The following TNS1 variants were observed in gnomAD, a reference collection of about 807,000 sequenced individuals.
The protein encoded by TNS1 is tensin 1.
TNS1 carries 62 observed loss-of-function variants against 168.6 expected under a neutral mutation model. The observed-to-expected ratio is 0.37, with a 90% CI of 0.30 to 0.45. The LOEUF (loss-of-function observed/expected upper bound fraction) is 0.45. Ranked by LOEUF, TNS1 falls within the 20% of genes least tolerant of loss-of-function variation. TNS1 has a pLI of 1.00. For missense variants in TNS1, 2,240 were observed against 2,339.4 expected (o/e 0.96, Z 0.88); for synonymous variants, 934 against 933.2 (o/e 1.00, Z -0.02).
At chr2:218,011,344 CAG>C (rs1162377354), upstream of TNS1, among the ~76,000 whole-genome samples, 1 of 152,064 alleles carries the variant, frequency 6.6e-6, no homozygotes, top group African/African-American at 2.4e-5. Context: ...GAGAGGCAGG[CAG>C]AGAGTGCGGA....
At chr2:217,883,905 T>C (rs1270385729) in intron 16 of TNS1, among the ~76,000 whole-genome samples, 1 of 152,140 alleles carries the variant, frequency 6.6e-6, no homozygotes, top group Non-Finnish European at 1.5e-5. Flanking sequence ...GCCCACTGCA[T>C]GTAGGAAAAG....
rs759042034 is a variant in TNS1 at position 217,848,442 on chromosome 2, G to A, written c.2075C>T (p.Ala692Val). The change falls in exon 19 of 33, where the codon GCG becomes GTG. Residue 692 changes from alanine to valine, a missense_variant. By Grantham distance (64) the Ala-to-Val change is moderately conservative (BLOSUM62 0). Around this residue, in one of 2 missense-constraint regions of TNS1, gnomAD observed 2,131 missense variants for 2,171.2 expected, o/e 0.98. Transcript: ENST00000682258. ...CGTGTGGCCAGCATGGGCAGGCCCC[G>A]CCCGGCTGGCAGACTCGTAGGGGTA... Reference protein sequence around the residue: ...GGYPYESASRAGPAHAGHTAP... With the variant: ...GGYPYESASRVGPAHAGHTAP... 74 of 1,611,464 alleles carry A rather than the reference G, an allele frequency of 4.6e-5. No individual in the cohort carries two copies. The highest frequency in any genetic ancestry group is 1.7e-4 in the Middle Eastern group (1 of 6,060).
chr2:217,903,712 TC>T, intron 6 of TNS1: 1 of 1,007,630 alleles, frequency 9.9e-7, no homozygotes, highest in Admixed American at 2.1e-5. Flanking sequence ...CCTCCTGGTA[TC>T]TAACCCTCAT....
At position 217,849,050 on chromosome 2, in the gene TNS1, G is replaced by A. The variant is rs926222609; in HGVS notation, c.1467C>T (p.Ser489=). Residue 489 remains serine, a synonymous_variant, in exon 19 of 33, where the codon AGC becomes AGT. Transcript: ENST00000682258. ...CTTTCTTCTTCACCTTAGCATACAG[G>A]CTCCCATCTAGTGGCCCCTGCGTGT... ...VGHTQGPLDG[S]LYAKVKKKDS... is the part of the protein sequence containing the mutation. The A allele has an allele frequency of 1.2e-6, 2 of 1,613,282 alleles. No individual in the cohort carries two copies. The highest frequency in any genetic ancestry group is 1.3e-5 in the African/African-American group (1 of 74,850).
chr2:217,914,007 T>C (rs547586858), intron 4 of TNS1, among the ~76,000 whole-genome samples: 11 of 152,196 alleles, frequency 7.2e-5, no homozygotes, highest in African/African-American at 2.2e-4. Context: ...TCTTTCAGAC[T>C]CAGCAATTGG....
chr2:217,931,142 G>A (rs370120988), intron 3 of TNS1, among the ~76,000 whole-genome samples: 6 of 152,290 alleles, frequency 3.9e-5, no homozygotes, highest in South Asian at 4.2e-4. Context: ...GGGGGAGACA[G>A]GCATGTAAAC....
At chr2:217,914,999 G>T (rs1175788748) in intron 4 of TNS1, among the ~76,000 whole-genome samples, 1 of 152,126 alleles carries the variant, frequency 6.6e-6, no homozygotes, top group East Asian at 1.9e-4. Flanking sequence ...CACAAGTTGG[G>T]GTTTTCAACC....
At chr2:217,826,732 G>C (rs141993615) in intron 22 of TNS1, among the ~76,000 whole-genome samples, 1 of 152,200 alleles carries the variant, frequency 6.6e-6, no homozygotes, top group Non-Finnish European at 1.5e-5. Context: ...TGGGCAGGGC[G>C]GGAGAGGTGG....
At position 217,967,430 on chromosome 2, in the gene TNS1, C is replaced by T. The variant is rs561616744; in HGVS notation, c.186+11335G>A. ...ATCAACAAAATTGGCAAAACTTCAG[C>T]TAGATTGATTAAGATTCAAAGAAAG... On this transcript the variant is annotated intron_variant, in intron 3 of 32. Coordinates refer to ENST00000682258, the MANE Select transcript of TNS1 (RefSeq NM_001387777.1). 1.2e-4 allele frequency among the ~76,000 whole-genome samples: 19 copies of T among 152,172 alleles called. No individual in the cohort carries two copies. In the South Asian group the frequency reaches 3.1e-3, roughly 25 times the overall value.
intron 2 of TNS1, among the ~76,000 whole-genome samples, chr2:217,990,478 C>T (rs146537526): frequency 0.016 from 2,445 of 151,324 alleles, 54 homozygotes; most frequent in African/African-American, 0.055. Context: ...ATCATCCACA[C>T]GCCATCCACA....
chr2:217,885,416 G>A (rs1402232662), intron 15 of TNS1, among the ~76,000 whole-genome samples: 1 of 152,232 alleles, frequency 6.6e-6, no homozygotes, highest in African/African-American at 2.4e-5. Flanking sequence ...ACAAGTCAGA[G>A]TGCAAAAAGT....
rs58688185 is a variant in TNS1 at position 218,031,140 on chromosome 2, GTA to G, written c.156+2678_156+2679del. Among the ~76,000 whole-genome samples the G allele has an allele frequency of 1.4e-4, 20 of 140,956 alleles. 1 individual carries two copies. The East Asian group carries it at 2.7e-3, about 19-fold the overall frequency. The allele number at this position is 140,956 out of a possible 152,430, so 92.5% of individuals were successfully genotyped here. A position where few individuals can be genotyped will look rare whatever the true frequency, so the allele number is the denominator to read the frequency against. ...TGTGAGCATGTCTGTGTGTGTGTGTGTATGTGTTGTGTGAGCATGTCTATGAG... is the reference window on the plus strand; with the variant it reads ...TGTGAGCATGTCTGTGTGTGTGTGTGTGTGTTGTGTGAGCATGTCTATGAG... On this transcript the variant is annotated intron_variant, in intron 1 of 1. Transcript: ENST00000649572.
At chr2:217,863,440 C>A (rs541949981) in intron 18 of TNS1, among the ~76,000 whole-genome samples, 1 of 152,132 alleles carries the variant, frequency 6.6e-6, no homozygotes, top group African/African-American at 2.4e-5. Flanking sequence ...ACAGGACAGA[C>A]CCCCACAACA....
chr2:217,861,986 A>G (rs1457114895), intron 18 of TNS1, among the ~76,000 whole-genome samples: 1 of 152,222 alleles, frequency 6.6e-6, no homozygotes, highest in Non-Finnish European at 1.5e-5. Flanking sequence ...AGCATAGAGA[A>G]GAGGCTTCCA....
intron 13 of TNS1, 58 bp downstream of exon 13, chr2:217,886,476 T>C: frequency 2.2e-6 from 3 of 1,371,254 alleles, no homozygotes; most frequent in Non-Finnish European, 3.1e-6. Flanking sequence ...TTAGAGAAGA[T>C]GGAAGATGAA....
intron 3 of TNS1, among the ~76,000 whole-genome samples, chr2:217,969,536 T>C (rs769479156): frequency 1.3e-5 from 2 of 152,184 alleles, no homozygotes; most frequent in Non-Finnish European, 2.9e-5. Context: ...GATCTATATT[T>C]GATAAGGAAT....
At chr2:217,957,746 T>C (rs537880837) in intron 3 of TNS1, among the ~76,000 whole-genome samples, 4 of 151,084 alleles carry the variant, frequency 2.6e-5, no homozygotes, top group Admixed American at 6.6e-5. Context: ...TATGGTAATG[T>C]TAAAATAAAA....
chr2:217,830,395 G>C (rs955913639), intron 22 of TNS1: 3 of 1,614,068 alleles, frequency 1.9e-6, no homozygotes, highest in Non-Finnish European at 2.5e-6. Context: ...TGGTAACTAA[G>C]GAAAAAAGTA....
intron 1 of TNS1, among the ~76,000 whole-genome samples, chr2:218,031,192 CTGTA>C (rs1178498830): frequency 1.7e-5 from 2 of 117,304 alleles, no homozygotes; most frequent in Non-Finnish European, 3.4e-5. Flanking sequence ...GTGAATGTGT[CTGTA>C]TGTGTGTGAG....
Sources: gnomAD v4.1 joint callset for allele counts (sites outside exome capture counted in the v4.1 genomes callset) on GRCh38, gnomAD v4.1.1 for gene constraint, gnomAD v4.1.1 regional missense constraint, MANE v1.5 for transcripts, NCBI Gene and HGNC (gene_info 2026-07-23, HGNC 2026-07-21) for gene names.